Variants in HTR1F observed in about 807,000 individuals in gnomAD.
The protein encoded by HTR1F is 5-hydroxytryptamine receptor 1F.
In HTR1F, 17 loss-of-function variants were observed where a neutral mutation model predicts 24.0. That is an observed-to-expected ratio of 0.71 (90% CI 0.48 to 1.06). HTR1F has a LOEUF of 1.06. HTR1F is among the 50% of genes least tolerant of loss of function. The pLI is 0.00. For missense variants in HTR1F, 391 were observed against 427.8 expected (o/e 0.91, Z 0.76); for synonymous variants, 186 against 156.8 (o/e 1.19, Z -1.39).
At chr3:87,982,865 C>T (rs145517319) in intron 2 of HTR1F, among the ~76,000 whole-genome samples, 60 of 152,242 alleles carry the variant, frequency 3.9e-4, no homozygotes, top group African/African-American at 1.1e-3. Context: ...ACAAATAAAT[C>T]GCCTGTTTAG....
In HTR1F at chr3:87,989,815, C is replaced by G. The variant is rs546526351; in HGVS notation, c.-42-893C>G. Among the ~76,000 whole-genome samples, 36 of 152,204 alleles carry G rather than the reference C, an allele frequency of 2.4e-4. No individual in the cohort carries two copies. The South Asian group carries it at 7.3e-3, about 31-fold the overall frequency. ...AGCCCAATAACGAGATGCAGATGAA[C>G]TGGGGAGAAAGAGAGTTTTTATTTC... On this transcript the variant is annotated intron_variant, in intron 2 of 2. Transcript: ENST00000319595.
At chr3:87,813,553 A>C (rs1704196394) in intron 1 of HTR1F, among the ~76,000 whole-genome samples, 1 of 152,166 alleles carries the variant, frequency 6.6e-6, no homozygotes, top group Admixed American at 6.5e-5. Flanking sequence ...ACCGTTGGGA[A>C]GGCATGATTG....
intron 1 of HTR1F, among the ~76,000 whole-genome samples, chr3:87,806,832 A>T (rs1419060153): frequency 6.6e-6 from 1 of 152,004 alleles, no homozygotes; most frequent in African/African-American, 2.4e-5. Flanking sequence ...GGTGAGAGGT[A>T]TGAATTTAGT....
At chr3:87,942,374 C>A (rs1452869330) in intron 2 of HTR1F, among the ~76,000 whole-genome samples, 2 of 152,108 alleles carry the variant, frequency 1.3e-5, no homozygotes, top group African/African-American at 4.8e-5. Context: ...GAAGGCCGCA[C>A]CTGTGTCCAG....
chr3:87,809,626 C>A (rs576647070), intron 1 of HTR1F, among the ~76,000 whole-genome samples: 1 of 151,880 alleles, frequency 6.6e-6, no homozygotes, highest in Admixed American at 6.6e-5. Flanking sequence ...TTCAGCATTC[C>A]ATATTCTTAT....
chr3:87,933,761 T>C (rs1352431305), intron 2 of HTR1F, among the ~76,000 whole-genome samples: 1 of 152,220 alleles, frequency 6.6e-6, no homozygotes, highest in East Asian at 1.9e-4. Context: ...ATCAATATTA[T>C]GAAAATGGCC....
At chr3:87,962,904 A>G (rs1295175842) in intron 2 of HTR1F, among the ~76,000 whole-genome samples, 1 of 152,074 alleles carries the variant, frequency 6.6e-6, no homozygotes, top group Non-Finnish European at 1.5e-5. Context: ...GTTGTAGTTT[A>G]ATCTAGTGAT....
chr3:87,929,829 C>A (rs1045688848), intron 2 of HTR1F, among the ~76,000 whole-genome samples: 1 of 152,108 alleles, frequency 6.6e-6, no homozygotes, highest in Non-Finnish European at 1.5e-5. Context: ...TTTTCTAGTT[C>A]TTTGAAGAAT....
chr3:87,899,602 AC>A (rs1312744625), intron 2 of HTR1F, among the ~76,000 whole-genome samples: 1 of 152,116 alleles, frequency 6.6e-6, no homozygotes, highest in Non-Finnish European at 1.5e-5. Flanking sequence ...GCGGTGACTC[AC>A]GCCTGTAATC....
chr3:87,960,705 T>G (rs1199866694), intron 2 of HTR1F, among the ~76,000 whole-genome samples: 1 of 151,984 alleles, frequency 6.6e-6, no homozygotes, highest in Non-Finnish European at 1.5e-5. Context: ...CAACAAAGAT[T>G]AGTTCCAAAT....
chr3:87,915,487 G>T lies in HTR1F; in HGVS notation c.-42-75221G>T, dbSNP rs533256164. ...AGAAGTGAAGGGAGAAATATTCAAA[G>T]AAATAGACAGCATAAAGAAAAAAAC... is the stretch of plus-strand genomic sequence containing the variant. On this transcript the variant is annotated intron_variant, in intron 2 of 2. Transcript: ENST00000319595. Among the ~76,000 whole-genome samples the T allele has an allele frequency of 2.0e-5, 3 of 152,128 alleles. No homozygotes were observed. In the East Asian group the frequency reaches 5.8e-4, roughly 29 times the overall value.
At chr3:87,990,442 G>A (rs1576128986) in intron 2 of HTR1F, among the ~76,000 whole-genome samples, 4 of 152,234 alleles carry the variant, frequency 2.6e-5, no homozygotes, top group Admixed American at 2.6e-4. Context: ...AGATTTCACT[G>A]AGTAACAAGC....
chr3:87,912,331 A>C (rs931848473), intron 2 of HTR1F, among the ~76,000 whole-genome samples: 1 of 152,112 alleles, frequency 6.6e-6, no homozygotes, highest in African/African-American at 2.4e-5. Flanking sequence ...TTGCTAAAAA[A>C]AGGATAAAAT....
intron 1 of HTR1F, among the ~76,000 whole-genome samples, chr3:87,804,201 A>G (rs1704038042): frequency 6.6e-6 from 1 of 152,222 alleles, no homozygotes; most frequent in Non-Finnish European, 1.5e-5. Flanking sequence ...TGTTTCTGAC[A>G]TACAAAAATG....
chr3:87,822,833 A>T (rs1336174887), intron 2 of HTR1F, among the ~76,000 whole-genome samples: 1 of 152,214 alleles, frequency 6.6e-6, no homozygotes, highest in Non-Finnish European at 1.5e-5. Flanking sequence ...ACAGCAATGG[A>T]TTAAGTGCCC....
intron 2 of HTR1F, among the ~76,000 whole-genome samples, chr3:87,889,814 A>G (rs1706039280): frequency 6.6e-6 from 1 of 152,208 alleles, no homozygotes; most frequent in Non-Finnish European, 1.5e-5. Flanking sequence ...TGAATTTATA[A>G]TTTATGAGAT....
At chr3:87,809,401 T>C (rs1367541822) in intron 1 of HTR1F, among the ~76,000 whole-genome samples, 2 of 152,012 alleles carry the variant, frequency 1.3e-5, no homozygotes, top group Non-Finnish European at 2.9e-5. Context: ...CAAACAGGAA[T>C]ATTTGGAGTT....
intron 2 of HTR1F, among the ~76,000 whole-genome samples, chr3:87,971,021 C>T (rs2107495940): frequency 6.6e-6 from 1 of 152,298 alleles, no homozygotes; most frequent in Middle Eastern, 3.4e-3. Context: ...CTGCCTCCTC[C>T]CCTTCCACAG....
At chr3:87,837,285 T>G (rs1236385107) in intron 2 of HTR1F, among the ~76,000 whole-genome samples, 1 of 152,132 alleles carries the variant, frequency 6.6e-6, no homozygotes, top group Non-Finnish European at 1.5e-5. Context: ...TTCTCAGTTC[T>G]GCTTTTCTCT....
Sources: gnomAD v4.1 joint callset for allele counts (sites outside exome capture counted in the v4.1 genomes callset) on GRCh38, gnomAD v4.1.1 for gene constraint, MANE v1.5 for transcripts, NCBI Gene and HGNC (gene_info 2026-07-23, HGNC 2026-07-21) for gene names.